Variants in IMMP2L observed in about 807,000 individuals in gnomAD.
The protein encoded by IMMP2L is inner mitochondrial membrane peptidase subunit 2.
Under a neutral mutation model 19.3 loss-of-function variants are expected in IMMP2L, and 18 were observed. That is an observed-to-expected ratio of 0.93 (90% CI 0.64 to 1.38). IMMP2L has a LOEUF of 1.38. IMMP2L is among the 40% of genes most tolerant of loss of function. The pLI is 0.00. For missense variants in IMMP2L, 233 were observed against 218.2 expected (o/e 1.07, Z -0.43); for synonymous variants, 76 against 73.0 (o/e 1.04, Z -0.21).
intron 5 of IMMP2L, among the ~76,000 whole-genome samples, chr7:110,747,969 A>C (rs10272413): frequency 0.64 from 97,375 of 151,986 alleles, 31,332 homozygotes; most frequent in East Asian, 0.81. Flanking sequence ...TCTCTGTTTG[A>C]AGATGACATG....
chr7:111,221,159 G>A (rs1812471370), intron 3 of IMMP2L, among the ~76,000 whole-genome samples: 1 of 151,910 alleles, frequency 6.6e-6, no homozygotes, highest in South Asian at 2.1e-4. Context: ...CAAATACAGA[G>A]TAATGTAGAG....
intron 5 of IMMP2L, among the ~76,000 whole-genome samples, chr7:110,721,226 T>G (rs1795547104): frequency 6.6e-6 from 1 of 152,010 alleles, no homozygotes; most frequent in African/African-American, 2.4e-5. Flanking sequence ...TCTTTATGTG[T>G]AAGACTCTGG....
chr7:111,294,451 T>A (rs1431518750), intron 3 of IMMP2L, among the ~76,000 whole-genome samples: 1 of 151,936 alleles, frequency 6.6e-6, no homozygotes, highest in Non-Finnish European at 1.5e-5. Context: ...AACAATGTAG[T>A]TTTAATTTAC....
chr7:110,802,664 A>G (rs1049039101), intron 5 of IMMP2L, among the ~76,000 whole-genome samples: 1 of 152,056 alleles, frequency 6.6e-6, no homozygotes, highest in South Asian at 2.1e-4. Flanking sequence ...ACCATTAACT[A>G]TAATAGGTTC....
intron 3 of IMMP2L, among the ~76,000 whole-genome samples, chr7:111,136,295 G>C (rs1288758615): frequency 6.6e-6 from 1 of 152,072 alleles, no homozygotes; most frequent in Non-Finnish European, 1.5e-5. Flanking sequence ...CAAAGTGTTG[G>C]GATTGCAGGC....
intron 3 of IMMP2L, among the ~76,000 whole-genome samples, chr7:111,207,049 T>G (rs575306581): frequency 2.6e-5 from 4 of 152,364 alleles, no homozygotes; most frequent in Non-Finnish European, 4.4e-5. Context: ...TTCAATGATT[T>G]AACCTTGGAA....
At chr7:110,983,141 T>C (rs947958459) in intron 3 of IMMP2L, among the ~76,000 whole-genome samples, 1 of 151,612 alleles carries the variant, frequency 6.6e-6, no homozygotes, top group Non-Finnish European at 1.5e-5. Context: ...TATAAATACA[T>C]TGAAGAGTTC....
intron 3 of IMMP2L, among the ~76,000 whole-genome samples, chr7:111,252,533 G>A (rs1415385603): frequency 6.6e-6 from 1 of 152,042 alleles, no homozygotes; most frequent in Non-Finnish European, 1.5e-5. Flanking sequence ...ATTGGAAAAA[G>A]GAAATGTGAC....
intron 3 of IMMP2L, among the ~76,000 whole-genome samples, chr7:111,330,503 G>A (rs1424216830): frequency 1.3e-5 from 2 of 151,294 alleles, no homozygotes; most frequent in South Asian, 2.1e-4. Flanking sequence ...TAGCCACGGG[G>A]TGGGGGGAAA....
At chr7:111,529,947 TG>T (rs1420202937) in intron 1 of IMMP2L, among the ~76,000 whole-genome samples, 1 of 152,204 alleles carries the variant, frequency 6.6e-6, no homozygotes, top group Non-Finnish European at 1.5e-5. Context: ...TCCTGATTTT[TG>T]GTAAGGACTC....
intron 5 of IMMP2L, among the ~76,000 whole-genome samples, chr7:110,871,150 T>C (rs1476300091): frequency 1.3e-5 from 2 of 152,050 alleles, no homozygotes; most frequent in Non-Finnish European, 2.9e-5. Context: ...GATAGTGCCA[T>C]CTACTGAAAT....
At chr7:110,863,752 A>C (rs146550326) in intron 5 of IMMP2L, among the ~76,000 whole-genome samples, 1 of 152,246 alleles carries the variant, frequency 6.6e-6, no homozygotes, top group African/African-American at 2.4e-5. Flanking sequence ...GCTAAGTTCA[A>C]TGTTTGGTAG....
rs1200991836 is a variant in IMMP2L at position 111,030,919 on chromosome 7, TATATATAA to T, written c.240-67362_240-67355del. The stretch of plus-strand genomic sequence containing the variant: ...ATATATATATATATATATATATATA[TATATATAA>T]AATATATATACACGAGAATTAGACA... On this transcript the variant is annotated intron_variant, in intron 3 of 5. Coordinates refer to ENST00000405709, the MANE Select transcript of IMMP2L (RefSeq NM_032549.4). Among the ~76,000 whole-genome samples the T allele has an allele frequency of 1.8e-4, 16 of 89,160 alleles. 1 individual carries two copies. In the South Asian group the frequency reaches 4.9e-3, roughly 27 times the overall value. 58.5% of individuals were successfully genotyped at this position (89,160 alleles called of 152,430 possible).
chr7:111,301,921 TAAAAAAAA>T lies in IMMP2L; in HGVS notation c.239+185309_239+185316del, dbSNP rs59156229. ...ATTACGCCATGTCAGTTTCATGCTT[TAAAAAAAA>T]AAAAAAAAAAAAAAAAAAAAAACCT... is the stretch of plus-strand genomic sequence containing the variant. On this transcript the variant is annotated intron_variant, in intron 3 of 5. Coordinates refer to ENST00000405709, the MANE Select transcript of IMMP2L (RefSeq NM_032549.4). Among the ~76,000 whole-genome samples the T allele has an allele frequency of 5.8e-4, 48 of 83,158 alleles. 2 individuals are homozygous for T. The highest frequency in any genetic ancestry group is 1.2e-3 in the Admixed American group (7 of 5,750). 54.6% of individuals were successfully genotyped at this position (83,158 alleles called of 152,430 possible). A position where few individuals can be genotyped will look rare whatever the true frequency, so the allele number is the denominator to read the frequency against.
chr7:111,079,391 A>C (rs981782022), intron 3 of IMMP2L, among the ~76,000 whole-genome samples: 1 of 152,158 alleles, frequency 6.6e-6, no homozygotes, highest in Non-Finnish European at 1.5e-5. Context: ...TGCTGGGATT[A>C]CAGGCGTGAG....
At chr7:111,071,633 A>G (rs746444798) in intron 3 of IMMP2L, among the ~76,000 whole-genome samples, 3 of 152,186 alleles carry the variant, frequency 2.0e-5, no homozygotes, top group Non-Finnish European at 2.9e-5. Context: ...ATCCAGACAT[A>G]ATGGGTCACA....
rs1297570184 is a variant in IMMP2L, at chr7:110,691,915, A to C, written c.409-28194T>G. On this transcript the variant is annotated intron_variant, in intron 5 of 5. Transcript: ENST00000405709. Reference sequence around the variant, plus strand: ...AGTATGAAGATTTCTCAAAGAAATTAAAAGTAGATTTACCATTCAATCCAG... The same window carrying C: ...AGTATGAAGATTTCTCAAAGAAATTCAAAGTAGATTTACCATTCAATCCAG... Among the ~76,000 whole-genome samples the C allele has an allele frequency of 7.6e-4, 116 of 152,356 alleles. 1 individual carries two copies. The highest frequency in any genetic ancestry group is 1.5e-4 in the Non-Finnish European group (10 of 68,032).
intron 3 of IMMP2L, among the ~76,000 whole-genome samples, chr7:110,971,787 T>C (rs1288962072): frequency 2.6e-5 from 4 of 152,122 alleles, no homozygotes; most frequent in Admixed American, 2.6e-4. Context: ...ATTGTCTTTA[T>C]TGCATATCTC....
chr7:111,504,727 T>C (rs1488457705), intron 2 of IMMP2L, among the ~76,000 whole-genome samples: 19 of 152,190 alleles, frequency 1.2e-4, no homozygotes, highest in South Asian at 2.1e-4. Context: ...GGGGAAAGGA[T>C]TTCCTATTTA....
Sources: gnomAD v4.1 joint callset for allele counts (sites outside exome capture counted in the v4.1 genomes callset) on GRCh38, gnomAD v4.1.1 for gene constraint, MANE v1.5 for transcripts, NCBI Gene and HGNC (gene_info 2026-07-23, HGNC 2026-07-21) for gene names.